FRRS1: variants seen among roughly 807,000 people sequenced by gnomAD.
FRRS1 encodes the protein ferric reductase 1.
Under a neutral mutation model 70.7 loss-of-function variants are expected in FRRS1, and 51 were observed. That is an observed-to-expected ratio of 0.72 (90% CI 0.58 to 0.91). The LOEUF (loss-of-function observed/expected upper bound fraction) is 0.91, where lower values mean the gene tolerates loss of function less well. FRRS1 is among the 40% of genes least tolerant of loss of function. The probability of loss-of-function intolerance (pLI) is 0.00; values close to 1 mark genes in which losing one functional copy is unlikely to be tolerated. For synonymous variants in FRRS1, 225 were observed against 238.7 expected (o/e 0.94, Z 0.53); for missense variants, 672 against 726.0 (o/e 0.93, Z 0.86).
At chr1:99,751,464 C>T (rs1410264420) in intron 1 of FRRS1, among the ~76,000 whole-genome samples, 1 of 152,012 alleles carries the variant, frequency 6.6e-6, no homozygotes, top group African/African-American at 2.4e-5. Flanking sequence ...TATGGCATAT[C>T]ATTTTCAAAC....
chr1:99,749,581 T>A (rs1156249505), intron 1 of FRRS1, among the ~76,000 whole-genome samples: 2 of 152,210 alleles, frequency 1.3e-5, no homozygotes, highest in African/African-American at 2.4e-5. Context: ...CTGGGTGGAT[T>A]ATTTAATTTG....
At chr1:99,744,064 T>TAATA in intron 4 of FRRS1, among the ~76,000 whole-genome samples, 1 of 124,358 alleles carries the variant, frequency 8.0e-6, no homozygotes, top group South Asian at 2.3e-4. Flanking sequence ...AGAACGATTG[T>TAATA]AAAAAAAAAA....
At chr1:99,759,170 C>T (rs376048494) in intron 1 of FRRS1, among the ~76,000 whole-genome samples, 10 of 152,154 alleles carry the variant, frequency 6.6e-5, no homozygotes, top group South Asian at 6.2e-4. Context: ...CCCTTTGAAG[C>T]GTGTGATCTT....
rs1296181691 is a variant in FRRS1, at chr1:99,718,101, G to A, written c.1121-576C>T. Among the ~76,000 whole-genome samples the A allele has an allele frequency of 2.0e-5, 3 of 152,104 alleles. No individual in the cohort carries two copies. The East Asian group carries it at 5.8e-4, about 29-fold the overall frequency. On this transcript the variant is annotated intron_variant, in intron 10 of 16. Transcript: ENST00000646001. ...AGTTACTTTCAAGCTTAACTGTGAT[G>A]GCATTTATCGAAAACTTTACTATAA...
intron 14 of FRRS1, 37 bp from the exon 15 acceptor site, chr1:99,710,986 T>C: frequency 6.3e-7 from 1 of 1,582,780 alleles, no homozygotes; most frequent in Non-Finnish European, 8.6e-7. Flanking sequence ...TCAAATGTAG[T>C]CCCACCAAGA....
chr1:99,715,780 C>T (rs1319842887), intron 11 of FRRS1, 108 bp from the exon 12 acceptor site: 7 of 653,534 alleles, frequency 1.1e-5, no homozygotes, highest in Admixed American at 4.6e-5. Context: ...TCACTGAAGG[C>T]ATGCATTCAA....
At position 99,748,599 on chromosome 1, in the gene FRRS1, G is replaced by C; in HGVS notation, c.170C>G (p.Thr57Arg). The change falls in exon 3 of 17, where the codon ACA (threonine) becomes AGA (arginine). Residue 57 changes from threonine (T) to arginine (R), a missense_variant. Physicochemically the swap from Thr to Arg is moderately conservative, Grantham distance 71. Coordinates refer to ENST00000646001, the MANE Select transcript of FRRS1 (RefSeq NM_001361041.2). ...TTCAATCTGATCTCCTGGCCTGAAT[G>C]TCATCTGACTCACGTAAATGTCATG... ...PVHDIYVSQM[T>R]FRPGDQIEVT... 1 of 1,613,982 alleles carries C rather than the reference G, an allele frequency of 6.2e-7. No individual in the cohort carries two copies. Among genetic ancestry groups the C allele is most frequent in the Non-Finnish European group, 8.5e-7 (1 of 1,179,900 alleles).
chr1:99,723,507 C>T (rs949840785), intron 9 of FRRS1, among the ~76,000 whole-genome samples: 1 of 151,900 alleles, frequency 6.6e-6, no homozygotes, highest in African/African-American at 2.4e-5. Flanking sequence ...CAGAGTGAGA[C>T]CCTATCTCAA....
At chr1:99,730,068 C>T (rs148376448) in intron 7 of FRRS1, among the ~76,000 whole-genome samples, 6 of 152,178 alleles carry the variant, frequency 3.9e-5, no homozygotes, top group African/African-American at 1.2e-4. Context: ...TCATCCAAAC[C>T]TATTTGTATT....
chr1:99,750,677 GAA>G (rs56815242), intron 1 of FRRS1, among the ~76,000 whole-genome samples: 1 of 140,542 alleles, frequency 7.1e-6, no homozygotes, highest in Admixed American at 7.0e-5. Flanking sequence ...AAACTGAAAA[GAA>G]AAAAAAAAAG....
At chr1:99,731,808 G>C (rs908892753) in intron 7 of FRRS1, among the ~76,000 whole-genome samples, 3 of 152,092 alleles carry the variant, frequency 2.0e-5, no homozygotes, top group Admixed American at 1.3e-4. Context: ...TACAGAAAAC[G>C]TTTTTTGAAC....
rs1211996766 is a variant in FRRS1 at position 99,705,801 on chromosome 1, ATT to A, written c.*3225_*3226del. Among the ~76,000 whole-genome samples the A allele has an allele frequency of 2.6e-5, 4 of 152,188 alleles. No homozygotes were observed. The highest frequency in any genetic ancestry group is 9.7e-5 in the African/African-American group (4 of 41,430). On this transcript the variant is annotated 3_prime_UTR_variant, in exon 17 of 17. Transcript: ENST00000646001. ...GCCAGCCCAACCACAATTTTCTAGA[ATT>A]TCTTTCATTTCTTTCTGAAAAGCAC...
rs193067436 is a variant in FRRS1, at chr1:99,705,361, G to C, written c.*3667C>G. ...GGCTGCACAAGGAAGAAAGAAGCAGGATGTGGATAGGAACTGTGAATATCC... is the reference window on the plus strand; with the variant it reads ...GGCTGCACAAGGAAGAAAGAAGCAGCATGTGGATAGGAACTGTGAATATCC... On this transcript the variant is annotated 3_prime_UTR_variant, in exon 17 of 17. Coordinates refer to ENST00000646001, the MANE Select transcript of FRRS1 (RefSeq NM_001361041.2). 1.1e-4 allele frequency among the ~76,000 whole-genome samples: 17 copies of C among 152,362 alleles called. No homozygotes were observed. The highest frequency in any genetic ancestry group is 4.1e-4 in the African/African-American group (17 of 41,592).
intron 11 of FRRS1, among the ~76,000 whole-genome samples, chr1:99,716,885 G>T (rs1190601585): frequency 6.6e-6 from 1 of 152,166 alleles, no homozygotes; most frequent in African/African-American, 2.4e-5. Flanking sequence ...GGAAGGAAGA[G>T]CATGAAAAAT....
intron 9 of FRRS1, among the ~76,000 whole-genome samples, chr1:99,725,488 C>G (rs1234435421): frequency 2.6e-5 from 4 of 152,160 alleles, no homozygotes; most frequent in African/African-American, 7.2e-5. Context: ...CCTATAAATG[C>G]AGATTCCATG....
chr1:99,734,472 T>C (rs896140595), intron 7 of FRRS1, among the ~76,000 whole-genome samples: 5 of 147,612 alleles, frequency 3.4e-5, no homozygotes, highest in Admixed American at 6.8e-5. Context: ...AATAGAAAGA[T>C]AAAGTGGCAA....
At position 99,729,662 on chromosome 1, in the gene FRRS1, T is replaced by G; in HGVS notation, c.846A>C (p.Val282=). 6.2e-7 allele frequency: 1 copy of G among 1,610,498 alleles called. No homozygotes were observed. Among genetic ancestry groups the G allele is most frequent in the Non-Finnish European group, 8.5e-7 (1 of 1,176,986 alleles). Reference sequence around the variant, plus strand: ...TTTTCACACCTACCCTGGAGTCCATTACAGGGTGACTTCGCCCCGTTAAAT... The same window carrying G: ...TTTTCACACCTACCCTGGAGTCCATGACAGGGTGACTTCGCCCCGTTAAAT... ...PSHLTGRSHP[V]MDSRDTLEDM... is the part of the protein sequence containing the mutation. The change falls in exon 8 of 17, where the codon GTA becomes GTC. Residue 282 remains valine (V), a synonymous_variant. Coordinates refer to ENST00000646001, the MANE Select transcript of FRRS1 (RefSeq NM_001361041.2).
chr1:99,757,326 T>C (rs1571157816), intron 1 of FRRS1, among the ~76,000 whole-genome samples: 1 of 152,160 alleles, frequency 6.6e-6, no homozygotes, highest in Non-Finnish European at 1.5e-5. Flanking sequence ...CTTTATGGCA[T>C]GCATGGACCA....
chr1:99,764,313 C>T (rs146235612), intron 1 of FRRS1, among the ~76,000 whole-genome samples: 8 of 152,274 alleles, frequency 5.3e-5, no homozygotes, highest in Non-Finnish European at 8.8e-5. Flanking sequence ...ACAGTGTTTA[C>T]CCCTTAGGAA....
Sources: allele counts gnomAD v4.1 joint callset (sites outside exome capture counted in the v4.1 genomes callset), GRCh38; gene constraint gnomAD v4.1.1; transcripts MANE v1.5; gene names NCBI Gene and HGNC (gene_info 2026-07-23, HGNC 2026-07-21).